Variants in TMA7B observed in about 807,000 individuals in gnomAD.
The protein encoded by TMA7B is translation machinery associated 7 homolog B, also known as translation machinery-associated protein 7B.
At chr22:39,964,505 A>AAGCG in the TMA7B span, 1 of 1,027,632 alleles carries the variant, frequency 9.7e-7, no homozygotes, top group Non-Finnish European at 1.5e-6. Flanking sequence ...GAGGTGCTAA[A>AAGCG]AGCGAAGGTC....
the TMA7B span, among the ~76,000 whole-genome samples, chr22:39,962,420 G>C: frequency 4.5e-3 from 681 of 152,020 alleles, 2 homozygotes; most frequent in South Asian, 9.8e-3. Flanking sequence ...GCAAGACCCT[G>C]TCTCAAGAGA....
chr22:39,964,741 A>G, the TMA7B span: 1 of 465,200 alleles, frequency 2.1e-6, no homozygotes, highest in South Asian at 3.6e-5. Flanking sequence ...AAAATCTTCC[A>G]GTGGCTCATC....
chr22:39,962,659 G>A, the TMA7B span, among the ~76,000 whole-genome samples: 2 of 151,712 alleles, frequency 1.3e-5, no homozygotes, highest in Non-Finnish European at 2.9e-5. Context: ...TGGTTTTTGT[G>A]GTTTCGTTGG....
chr22:39,962,984 A>T, the TMA7B span, among the ~76,000 whole-genome samples: 240 of 152,200 alleles, frequency 1.6e-3, 1 homozygote, highest in African/African-American at 5.5e-3. Flanking sequence ...ACTATGGTTT[A>T]TATTTCCTTA....
At chr22:39,964,670 TAA>T in the TMA7B span, 1 of 568,996 alleles carries the variant, frequency 1.8e-6, no homozygotes, top group South Asian at 2.4e-5. Flanking sequence ...TAGTTGGAAT[TAA>T]GTGTCGTCTT....
chr22:39,963,440 A>G, the TMA7B span, among the ~76,000 whole-genome samples: 1 of 152,332 alleles, frequency 6.6e-6, no homozygotes, highest in Admixed American at 6.5e-5. Flanking sequence ...AAATTATAAT[A>G]TCACAAGAAT....
the TMA7B span, chr22:39,964,079 A>T: frequency 3.2e-6 from 1 of 312,380 alleles, no homozygotes; most frequent in Admixed American, 4.7e-5. Context: ...AAAATTCTTG[A>T]CCTTTCTTTT....
chr22:39,961,149 T>G, the TMA7B span, among the ~76,000 whole-genome samples: 1 of 152,090 alleles, frequency 6.6e-6, no homozygotes, highest in Non-Finnish European at 1.5e-5. Context: ...AGACTAGGTC[T>G]TACTGTGTTG....
chr22:39,962,383 C>T, the TMA7B span, among the ~76,000 whole-genome samples: 1 of 152,088 alleles, frequency 6.6e-6, no homozygotes, highest in African/African-American at 2.4e-5. Context: ...ATCGATCGCA[C>T]CACTGCACTC....
At chr22:39,964,378 T>G in the TMA7B span, 2 of 740,206 alleles carry the variant, frequency 2.7e-6, no homozygotes, top group Admixed American at 2.0e-5. Flanking sequence ...AGGCGCCATG[T>G]CCAGCCACGA....
chr22:39,964,849 G>C, the TMA7B span: 2 of 301,810 alleles, frequency 6.6e-6, no homozygotes, highest in South Asian at 8.3e-5. Context: ...TTTGGTCGTT[G>C]TTCTACCCTA....
chr22:39,964,383 C>T, the TMA7B span: 1 of 753,220 alleles, frequency 1.3e-6, no homozygotes, highest in Non-Finnish European at 2.3e-6. Context: ...CCATGTCCAG[C>T]CACGAAGGTG....
chr22:39,961,730 C>G, the TMA7B span, among the ~76,000 whole-genome samples: 1 of 152,192 alleles, frequency 6.6e-6, no homozygotes, highest in African/African-American at 2.4e-5. Flanking sequence ...GTTAGCAGAT[C>G]AGGAGAAGTA....
At chr22:39,962,291 G>T in the TMA7B span, among the ~76,000 whole-genome samples, 1 of 152,030 alleles carries the variant, frequency 6.6e-6, no homozygotes, top group African/African-American at 2.4e-5. Context: ...GTGCAGTGGC[G>T]CATGCCTGTG....
the TMA7B span, chr22:39,964,259 C>T: frequency 1.6e-6 from 1 of 615,162 alleles, no homozygotes; most frequent in South Asian, 2.0e-5. Context: ...TCCATTTTCT[C>T]TAGCCCTGGT....
chr22:39,961,795 A>G, the TMA7B span, among the ~76,000 whole-genome samples: 2 of 152,248 alleles, frequency 1.3e-5, no homozygotes, highest in Non-Finnish European at 2.9e-5. Flanking sequence ...GGTTTATTCA[A>G]TATATTTTGA....
chr22:39,962,242 G>C, the TMA7B span, among the ~76,000 whole-genome samples: 1 of 152,150 alleles, frequency 6.6e-6, no homozygotes, highest in Non-Finnish European at 1.5e-5. Flanking sequence ...GGGGCAACTA[G>C]TGAGACCTCA....
the TMA7B span, among the ~76,000 whole-genome samples, chr22:39,963,692 C>T: frequency 6.6e-6 from 1 of 152,148 alleles, no homozygotes; most frequent in African/African-American, 2.4e-5. Flanking sequence ...TTTCCATCTC[C>T]TTCTTAACAC....
chr22:39,964,642 A>G, the TMA7B span: 2 of 622,324 alleles, frequency 3.2e-6, no homozygotes, highest in East Asian at 2.7e-5. Flanking sequence ...TCCCTCCTAT[A>G]ATATCTTTTG....
Sources: allele counts gnomAD v4.1 joint callset (sites outside exome capture counted in the v4.1 genomes callset), GRCh38; gene constraint gnomAD v4.1.1; transcripts MANE v1.5; gene names NCBI Gene and HGNC (gene_info 2026-07-23, HGNC 2026-07-21).